Variants in PITPNC1 observed in about 807,000 individuals in gnomAD.
PITPNC1 encodes phosphatidylinositol transfer protein cytoplasmic 1, also known as cytoplasmic phosphatidylinositol transfer protein 1.
PITPNC1 carries 18 observed loss-of-function variants against 44.7 expected under a neutral mutation model. That is an observed-to-expected ratio of 0.40 (90% CI 0.28 to 0.60). The LOEUF (loss-of-function observed/expected upper bound fraction) is 0.60. PITPNC1 is among the 20% of genes least tolerant of loss of function. PITPNC1 has a pLI of 0.39. For missense variants in PITPNC1, 290 were observed against 418.4 expected (o/e 0.69, Z 2.68); for synonymous variants, 141 against 149.6 (o/e 0.94, Z 0.42).
At chr17:67,497,361 A>G (rs1305438593) in intron 1 of PITPNC1, among the ~76,000 whole-genome samples, 1 of 151,684 alleles carries the variant, frequency 6.6e-6, no homozygotes, top group Non-Finnish European at 1.5e-5. Context: ...TTTATAATGG[A>G]AGTCACCCTG....
chr17:67,650,979 AAC>A (rs1257071618), intron 6 of PITPNC1, among the ~76,000 whole-genome samples: 1 of 152,204 alleles, frequency 6.6e-6, no homozygotes, highest in African/African-American at 2.4e-5. Flanking sequence ...GCAGAGAAAA[AAC>A]ACAAACCGCT....
At chr17:67,572,764 A>AG (rs931488035) in intron 4 of PITPNC1, among the ~76,000 whole-genome samples, 6 of 150,636 alleles carry the variant, frequency 4.0e-5, no homozygotes, top group African/African-American at 1.5e-4. Flanking sequence ...AAAAAAAAAA[A>AG]AAAGACCTGA....
At chr17:67,384,533 C>G (rs912350802) in intron 1 of PITPNC1, among the ~76,000 whole-genome samples, 38 of 151,996 alleles carry the variant, frequency 2.5e-4, no homozygotes, top group South Asian at 6.2e-4. Flanking sequence ...TCACGCCATT[C>G]TCCTGCCTCA....
intron 1 of PITPNC1, among the ~76,000 whole-genome samples, chr17:67,517,212 C>CT (rs1203236119): frequency 2.6e-5 from 4 of 152,224 alleles, no homozygotes; most frequent in Non-Finnish European, 5.9e-5. Flanking sequence ...CACACTTGTC[C>CT]TTTAGCTTAC....
intron 8 of PITPNC1, among the ~76,000 whole-genome samples, chr17:67,683,977 C>CAAA (rs79101364): frequency 6.5e-5 from 4 of 61,618 alleles, no homozygotes; most frequent in South Asian, 5.9e-4. Context: ...GACTCTGTCT[C>CAAA]AAAAAAAAAA....
intron 1 of PITPNC1, among the ~76,000 whole-genome samples, chr17:67,378,701 C>T (rs1373371614): frequency 6.6e-6 from 1 of 152,196 alleles, no homozygotes; most frequent in East Asian, 1.9e-4. Context: ...AGGGGAGGTC[C>T]CTGCGGGGCC....
chr17:67,640,329 C>T (rs765271703), intron 6 of PITPNC1, among the ~76,000 whole-genome samples: 2 of 152,172 alleles, frequency 1.3e-5, no homozygotes, highest in Non-Finnish European at 2.9e-5. Context: ...GCTGCCGCAT[C>T]GCGGGCCCTG....
At chr17:67,501,574 G>C (rs912338596) in intron 1 of PITPNC1, among the ~76,000 whole-genome samples, 1 of 152,186 alleles carries the variant, frequency 6.6e-6, no homozygotes, top group African/African-American at 2.4e-5. Flanking sequence ...GCTCACGCCT[G>C]TAATTCCAGC....
intron 1 of PITPNC1, among the ~76,000 whole-genome samples, chr17:67,403,297 A>G (rs1342245832): frequency 6.6e-6 from 1 of 151,414 alleles, no homozygotes; most frequent in Non-Finnish European, 1.5e-5. Context: ...TGTAGAAATG[A>G]AACCCTCAAT....
At chr17:67,570,630 A>C (rs529381375) in intron 4 of PITPNC1, among the ~76,000 whole-genome samples, 3 of 152,026 alleles carry the variant, frequency 2.0e-5, no homozygotes, top group Admixed American at 1.3e-4. Context: ...TTTCATTCTC[A>C]CCCCACAGCT....
At chr17:67,396,286 C>T (rs906417339) in intron 1 of PITPNC1, among the ~76,000 whole-genome samples, 3 of 152,108 alleles carry the variant, frequency 2.0e-5, no homozygotes, top group Non-Finnish European at 2.9e-5. Context: ...AGGTGCTCAG[C>T]CTTTTGACCA....
intron 1 of PITPNC1, among the ~76,000 whole-genome samples, chr17:67,449,951 A>C (rs1251077537): frequency 6.6e-6 from 1 of 152,206 alleles, no homozygotes; most frequent in African/African-American, 2.4e-5. Context: ...TGGCCTCCCA[A>C]AATGTTGGAA....
At chr17:67,551,595 T>C (rs1025977886) in intron 2 of PITPNC1, among the ~76,000 whole-genome samples, 2 of 152,228 alleles carry the variant, frequency 1.3e-5, no homozygotes, top group African/African-American at 2.4e-5. Flanking sequence ...TACCAGTCAT[T>C]GGAGTTAGGG....
At chr17:67,647,480 T>G (rs370006573) in intron 6 of PITPNC1, among the ~76,000 whole-genome samples, 3,585 of 138,712 alleles carry the variant, frequency 0.026, 64 homozygotes, top group Middle Eastern at 0.06. Context: ...TTTTTTTTTT[T>G]TTTTTTTTTT....
At chr17:67,392,945 T>C (rs560451702) in intron 1 of PITPNC1, among the ~76,000 whole-genome samples, 2 of 152,172 alleles carry the variant, frequency 1.3e-5, no homozygotes, top group African/African-American at 4.8e-5. Context: ...TTGGCCAACA[T>C]GGTGAAACCC....
chr17:67,597,305 G>A lies in PITPNC1; in HGVS notation c.366+19048G>A, dbSNP rs566989599. Among the ~76,000 whole-genome samples, 12 of 152,214 alleles carry A rather than the reference G, an allele frequency of 7.9e-5. No individual in the cohort carries two copies. The highest frequency in any genetic ancestry group is 3.3e-4 in the Admixed American group (5 of 15,300). ...ATGGTGGCTCACGCCTGTAATCCCC[G>A]CACTTTGGGAGGCCAAAGTGGGTAT... is the stretch of plus-strand genomic sequence containing the variant. On this transcript the variant is annotated intron_variant, in intron 5 of 8. Transcript: ENST00000581322. This position sits in a 1 kb window ranked among gnomAD's most constrained non-coding sequence, Gnocchi z 4.0.
intron 1 of PITPNC1, among the ~76,000 whole-genome samples, chr17:67,403,233 A>AAAAAAC (rs2038348679): frequency 6.6e-6 from 1 of 151,112 alleles, no homozygotes; most frequent in Non-Finnish European, 1.5e-5. Context: ...AAAAAAAAAA[A>AAAAAAC]AAAAAAAAGT....
At chr17:67,381,326 C>CA (rs1221190761) in intron 1 of PITPNC1, among the ~76,000 whole-genome samples, 3,630 of 50,778 alleles carry the variant, frequency 0.071, 90 homozygotes, top group African/African-American at 0.098. Flanking sequence ...AGACTCCACT[C>CA]AAAAAAAAAA....
intron 5 of PITPNC1, among the ~76,000 whole-genome samples, chr17:67,630,326 T>G (rs2041949247): frequency 6.6e-6 from 1 of 152,224 alleles, no homozygotes; most frequent in South Asian, 2.1e-4. Context: ...TGTCCAAACT[T>G]AAATCTGTTG....
Sources: gnomAD v4.1 joint callset for allele counts (sites outside exome capture counted in the v4.1 genomes callset) on GRCh38, gnomAD v4.1.1 for gene constraint, Gnocchi (gnomAD v3.1) non-coding constraint, MANE v1.5 for transcripts, NCBI Gene and HGNC (gene_info 2026-07-23, HGNC 2026-07-21) for gene names.